PKNOX2: variants seen among roughly 807,000 people sequenced by gnomAD.
PKNOX2 encodes the protein homeobox protein PKNOX2.
A neutral mutation model predicts 53.1 loss-of-function variants in PKNOX2; 14 were observed. That is an observed-to-expected ratio of 0.26 (90% CI 0.17 to 0.41). The LOEUF (loss-of-function observed/expected upper bound fraction) is 0.41, where lower values mean the gene tolerates loss of function less well. PKNOX2 is among the 10% of genes least tolerant of loss of function. The probability of loss-of-function intolerance (pLI) is 1.00; values close to 1 mark genes in which losing one functional copy is unlikely to be tolerated. For synonymous variants in PKNOX2, 257 were observed against 242.8 expected (o/e 1.06, Z -0.54); for missense variants, 496 against 602.8 (o/e 0.82, Z 1.85).
chr11:125,237,252 C>T (rs1361661427), intron 2 of PKNOX2, among the ~76,000 whole-genome samples: 1 of 152,170 alleles, frequency 6.6e-6, no homozygotes, highest in East Asian at 1.9e-4. Flanking sequence ...CAGTAAAAGC[C>T]AAGTGGAAGC....
At chr11:125,180,253 T>G (rs1172674613) in intron 1 of PKNOX2, among the ~76,000 whole-genome samples, 3 of 152,150 alleles carry the variant, frequency 2.0e-5, no homozygotes, top group African/African-American at 4.8e-5. Context: ...CCTCCCTGGC[T>G]CTCCCTTTCC....
intron 1 of PKNOX2, among the ~76,000 whole-genome samples, chr11:125,188,379 C>T (rs1008465720): frequency 7.9e-5 from 12 of 152,140 alleles, no homozygotes; most frequent in Non-Finnish European, 1.8e-4. Context: ...AGTCTTTCAC[C>T]CCATTAGAAA....
At chr11:125,429,935 A>T in intron 11 of PKNOX2, 28 bp from the exon 12 acceptor site, 1 of 1,607,462 alleles carries the variant, frequency 6.2e-7, no homozygotes, top group Non-Finnish European at 8.5e-7. Flanking sequence ...GTGATGACTA[A>T]CCAGGTCTCC....
intron 2 of PKNOX2, among the ~76,000 whole-genome samples, chr11:125,322,670 G>A (rs570411280): frequency 6.6e-6 from 1 of 152,312 alleles, no homozygotes; most frequent in East Asian, 1.9e-4. Context: ...TGGCTGCAGA[G>A]CTGGAAGGGG....
At chr11:125,314,645 C>G (rs1949044571) in intron 2 of PKNOX2, among the ~76,000 whole-genome samples, 1 of 152,132 alleles carries the variant, frequency 6.6e-6, no homozygotes. Flanking sequence ...GCAGAGGAGG[C>G]AGTGCAGCCC....
At position 125,263,370 on chromosome 11, in the gene PKNOX2, G is replaced by A. The variant is rs564677885; in HGVS notation, c.-130+28255G>A. 3.3e-5 allele frequency among the ~76,000 whole-genome samples: 5 copies of A among 152,312 alleles called. No homozygotes were observed. In the South Asian group the frequency reaches 8.3e-4, roughly 25 times the overall value. Reference sequence around the variant, plus strand: ...GAGCGGCGTGGGAGCAAATGGAGGGGATCTGCTGGCGGGCCTAGTTTAGGC... The same window carrying A: ...GAGCGGCGTGGGAGCAAATGGAGGGAATCTGCTGGCGGGCCTAGTTTAGGC... On this transcript the variant is annotated intron_variant, in intron 2 of 12. Transcript: ENST00000298282.
chr11:125,410,610 C>G (rs1406555329), intron 8 of PKNOX2, 169 bp from the exon 9 acceptor site: 5 of 661,204 alleles, frequency 7.6e-6, no homozygotes, highest in Non-Finnish European at 1.0e-5. Flanking sequence ...GTCCTAGGCT[C>G]TAGACACCAT....
chr11:125,292,038 C>A (rs949613216), intron 2 of PKNOX2, among the ~76,000 whole-genome samples: 1 of 152,148 alleles, frequency 6.6e-6, no homozygotes, highest in African/African-American at 2.4e-5. Context: ...CTGAATTGTA[C>A]ATTTAATGGT....
intron 3 of PKNOX2, among the ~76,000 whole-genome samples, chr11:125,333,632 T>A (rs1335735938): frequency 6.6e-6 from 1 of 151,820 alleles, no homozygotes; most frequent in Non-Finnish European, 1.5e-5. Context: ...CTGTTCTAGG[T>A]ACTAAATACA....
At chr11:125,292,812 A>G (rs1947387212) in intron 2 of PKNOX2, among the ~76,000 whole-genome samples, 1 of 152,220 alleles carries the variant, frequency 6.6e-6, no homozygotes, top group South Asian at 2.1e-4. Flanking sequence ...TGCTTGCCCT[A>G]AAAGAGAGGA....
At chr11:125,409,846 A>G (rs1236137047) in intron 7 of PKNOX2, among the ~76,000 whole-genome samples, 3 of 152,164 alleles carry the variant, frequency 2.0e-5, no homozygotes, top group African/African-American at 7.2e-5. Context: ...ACACTCCTGA[A>G]CAATTAAATG....
intron 1 of PKNOX2, among the ~76,000 whole-genome samples, chr11:125,219,145 A>G (rs913087482): frequency 1.3e-5 from 2 of 152,198 alleles, no homozygotes; most frequent in African/African-American, 2.4e-5. Context: ...ATCAAGAATT[A>G]TAAGTAGCCC....
At chr11:125,328,623 C>T (rs779334983) in intron 2 of PKNOX2, among the ~76,000 whole-genome samples, 3 of 152,174 alleles carry the variant, frequency 2.0e-5, no homozygotes, top group Non-Finnish European at 4.4e-5. Flanking sequence ...CAGGATTGGC[C>T]CACCCCACCA....
intron 2 of PKNOX2, among the ~76,000 whole-genome samples, chr11:125,265,508 T>C (rs919684966): frequency 1.3e-5 from 2 of 152,132 alleles, no homozygotes; most frequent in African/African-American, 4.8e-5. Flanking sequence ...GACCCACTCC[T>C]CCTTCAGTGG....
chr11:125,299,297 C>T (rs1263847598), intron 2 of PKNOX2, among the ~76,000 whole-genome samples: 6 of 152,198 alleles, frequency 3.9e-5, no homozygotes, highest in African/African-American at 1.2e-4. Context: ...ACTGGGGTCA[C>T]ATTTCAGCAT....
chr11:125,409,719 C>G (rs1955377604), intron 7 of PKNOX2, among the ~76,000 whole-genome samples: 1 of 152,078 alleles, frequency 6.6e-6, no homozygotes, highest in East Asian at 1.9e-4. Flanking sequence ...AGGTGCCGAC[C>G]AGGTGAAGCC....
chr11:125,207,570 A>C (rs1939286721), intron 1 of PKNOX2, among the ~76,000 whole-genome samples: 1 of 152,058 alleles, frequency 6.6e-6, no homozygotes, highest in African/African-American at 2.4e-5. Flanking sequence ...TACTGAACCA[A>C]AGTAGTAGAA....
intron 5 of PKNOX2, among the ~76,000 whole-genome samples, chr11:125,371,977 C>T (rs1952576874): frequency 6.6e-6 from 1 of 152,166 alleles, no homozygotes. Flanking sequence ...ATTTCTGTTT[C>T]CCCTGCTATA....
At chr11:125,388,101 G>T (rs549933796) in intron 6 of PKNOX2, among the ~76,000 whole-genome samples, 1 of 152,056 alleles carries the variant, frequency 6.6e-6, no homozygotes, top group African/African-American at 2.4e-5. Context: ...GAGACCGTGC[G>T]GCCGGGACCA....
Sources: allele counts gnomAD v4.1 joint callset (sites outside exome capture counted in the v4.1 genomes callset), GRCh38; gene constraint gnomAD v4.1.1; transcripts MANE v1.5; gene names NCBI Gene and HGNC (gene_info 2026-07-23, HGNC 2026-07-21).